Variants in NRXN3 observed in about 807,000 individuals in gnomAD.
NRXN3 encodes the protein neurexin III.
NRXN3 carries 32 observed loss-of-function variants against 137.6 expected under a neutral mutation model. The ratio of observed to expected loss-of-function variants is 0.23; its 90% CI spans 0.18 to 0.31. The LOEUF (loss-of-function observed/expected upper bound fraction) is 0.31. Ranked by LOEUF, NRXN3 falls within the 10% of genes least tolerant of loss-of-function variation. The pLI is 1.00. For synonymous variants in NRXN3, 798 were observed against 784.5 expected (o/e 1.02, Z -0.29); for missense variants, 1,574 against 2,062.5 (o/e 0.76, Z 4.59).
intron 15 of NRXN3, among the ~76,000 whole-genome samples, chr14:78,997,331 C>G (rs915954840): frequency 2.6e-5 from 4 of 152,188 alleles, no homozygotes; most frequent in Non-Finnish European, 5.9e-5. Flanking sequence ...TATTTGTAGA[C>G]CATTTTCATT....
intron 4 of NRXN3, among the ~76,000 whole-genome samples, chr14:78,531,778 C>G (rs774642177): frequency 6.6e-5 from 10 of 152,090 alleles, no homozygotes; most frequent in Non-Finnish European, 1.2e-4. Context: ...AACCTTCTTA[C>G]TTTTTGTCCT....
chr14:79,725,195 C>A (rs916728853), intron 19 of NRXN3, among the ~76,000 whole-genome samples: 1 of 152,142 alleles, frequency 6.6e-6, no homozygotes, highest in Non-Finnish European at 1.5e-5. Context: ...GGTCTTGAAA[C>A]ATGGGCAAAC....
chr14:79,012,160 C>T (rs906830046), intron 15 of NRXN3, among the ~76,000 whole-genome samples: 3 of 152,096 alleles, frequency 2.0e-5, no homozygotes, highest in African/African-American at 7.2e-5. Context: ...ATGTGCTGAG[C>T]AGGTGCAGGG....
At chr14:78,924,140 T>C (rs2099278492) in intron 10 of NRXN3, among the ~76,000 whole-genome samples, 1 of 152,174 alleles carries the variant, frequency 6.6e-6, no homozygotes, top group Non-Finnish European at 1.5e-5. Context: ...TCCCAGCTAC[T>C]TGGGAGGCTG....
At chr14:79,622,281 T>C (rs1213265497) in intron 16 of NRXN3, among the ~76,000 whole-genome samples, 1 of 152,182 alleles carries the variant, frequency 6.6e-6, no homozygotes, top group Non-Finnish European at 1.5e-5. Context: ...GTGATCCTTT[T>C]GTCAGTGGAA....
chr14:78,230,400 C>T (rs939837073), intron 1 of NRXN3, among the ~76,000 whole-genome samples: 27 of 151,904 alleles, frequency 1.8e-4, no homozygotes, highest in African/African-American at 4.6e-4. Context: ...AGTTGTTTGT[C>T]GGGAGGACCT....
intron 6 of NRXN3, among the ~76,000 whole-genome samples, chr14:78,706,946 C>T (rs2098358146): frequency 6.6e-6 from 1 of 152,084 alleles, no homozygotes. Context: ...AGTGACCCAT[C>T]CAATTAACTT....
At chr14:79,376,231 TATATA>T (rs2094290140) in intron 15 of NRXN3, among the ~76,000 whole-genome samples, 1 of 83,606 alleles carries the variant, frequency 1.2e-5, no homozygotes, top group African/African-American at 4.2e-5. Context: ...TATATATATA[TATATA>T]TATATATATA....
At chr14:79,490,973 T>C (rs2096711178) in intron 16 of NRXN3, among the ~76,000 whole-genome samples, 2 of 152,088 alleles carry the variant, frequency 1.3e-5, no homozygotes, top group Admixed American at 1.3e-4. Flanking sequence ...AAAAAATGAA[T>C]AAAAACATCC....
intron 15 of NRXN3, among the ~76,000 whole-genome samples, chr14:79,296,624 A>T (rs1035654659): frequency 2.0e-5 from 3 of 152,080 alleles, no homozygotes; most frequent in African/African-American, 4.8e-5. Flanking sequence ...GCAGATCAGT[A>T]ATGTAAATAC....
At chr14:79,715,583 G>T (rs942593767) in intron 19 of NRXN3, among the ~76,000 whole-genome samples, 10 of 152,224 alleles carry the variant, frequency 6.6e-5, no homozygotes, top group Admixed American at 2.6e-4. Flanking sequence ...ACTGCCTGCT[G>T]TGTGGACAGA....
At chr14:79,198,704 T>G (rs7151711) in intron 15 of NRXN3, among the ~76,000 whole-genome samples, 51,611 of 152,090 alleles carry the variant, frequency 0.34, 9,000 homozygotes, top group Non-Finnish European at 0.39. Flanking sequence ...GCAGGAACTT[T>G]CTTCATTGTA....
chr14:79,747,527 T>C (rs1201793859), intron 19 of NRXN3, among the ~76,000 whole-genome samples: 1 of 152,110 alleles, frequency 6.6e-6, no homozygotes, highest in East Asian at 1.9e-4. Context: ...TGTGGAATTC[T>C]ACAGCTCAAG....
intron 8 of NRXN3, among the ~76,000 whole-genome samples, chr14:78,782,534 T>C (rs974217499): frequency 2.0e-5 from 3 of 152,240 alleles, no homozygotes; most frequent in African/African-American, 7.2e-5. Flanking sequence ...CAGGAAATTC[T>C]AAATCATAAC....
chr14:78,513,056 A>G (rs936931558), intron 4 of NRXN3, among the ~76,000 whole-genome samples: 1 of 152,074 alleles, frequency 6.6e-6, no homozygotes, highest in Non-Finnish European at 1.5e-5. Context: ...TCCCATGTCT[A>G]CATTTGGATC....
chr14:79,282,987 C>G (rs1204267496), intron 15 of NRXN3, among the ~76,000 whole-genome samples: 1 of 152,170 alleles, frequency 6.6e-6, no homozygotes, highest in African/African-American at 2.4e-5. Flanking sequence ...TGACCCTTTG[C>G]GTCTCTAACT....
intron 20 of NRXN3, among the ~76,000 whole-genome samples, chr14:79,830,041 A>G (rs1367302298): frequency 1.3e-5 from 2 of 152,216 alleles, no homozygotes; most frequent in Non-Finnish European, 2.9e-5. Context: ...TGTGTTGAGC[A>G]TCATGGCCGC....
At chr14:79,014,282 AGT>A (rs1195052638) in intron 15 of NRXN3, among the ~76,000 whole-genome samples, 2 of 152,156 alleles carry the variant, frequency 1.3e-5, no homozygotes, top group Non-Finnish European at 2.9e-5. Context: ...AGAAAGCCAT[AGT>A]TCCTGTCATT....
chr14:78,487,784 TAAATAAAG>T (rs781614522), intron 4 of NRXN3, among the ~76,000 whole-genome samples: 1 of 114,694 alleles, frequency 8.7e-6, no homozygotes, highest in Non-Finnish European at 1.9e-5. Context: ...AATAAATAAA[TAAATAAAG>T]ATAGATTTGT....
Sources: gnomAD v4.1 joint callset for allele counts (sites outside exome capture counted in the v4.1 genomes callset) on GRCh38, gnomAD v4.1.1 for gene constraint, MANE v1.5 for transcripts, NCBI Gene and HGNC (gene_info 2026-07-23, HGNC 2026-07-21) for gene names.